Variants in NAA11 observed in about 807,000 individuals in gnomAD.
NAA11 encodes N-alpha-acetyltransferase 11.
NAA11 carries 15 observed loss-of-function variants against 16.1 expected under a neutral mutation model. The observed-to-expected ratio is 0.93, with a 90% CI of 0.62 to 1.44. The LOEUF is 1.44. Ranked by LOEUF, NAA11 falls within the 40% of genes most tolerant of loss-of-function variation. NAA11 has a pLI of 0.00. For missense variants in NAA11, 298 were observed against 291.3 expected (o/e 1.02, Z -0.17); for synonymous variants, 122 against 112.4 (o/e 1.09, Z -0.54).
chr4:79,298,507 A>G (rs759846216), intron 1 of NAA11, among the ~76,000 whole-genome samples: 2 of 152,176 alleles, frequency 1.3e-5, no homozygotes, highest in Non-Finnish European at 2.9e-5. Context: ...CCTTAGTGCC[A>G]GCTGTGGAAG....
intron 2 of NAA11, among the ~76,000 whole-genome samples, chr4:79,234,879 G>A (rs191657822): frequency 1.3e-5 from 2 of 152,152 alleles, no homozygotes; most frequent in African/African-American, 4.8e-5. Flanking sequence ...CTGAATTCTA[G>A]TAAGGCTAAA....
At chr4:79,310,073 T>C (rs1723723780) in intron 1 of NAA11, among the ~76,000 whole-genome samples, 1 of 152,192 alleles carries the variant, frequency 6.6e-6, no homozygotes, top group Non-Finnish European at 1.5e-5. Flanking sequence ...GCTCAATTAT[T>C]CCTCATCTGT....
chr4:79,245,130 T>A (rs1169436579), intron 2 of NAA11: 1 of 155,594 alleles, frequency 6.4e-6, no homozygotes, highest in Non-Finnish European at 1.4e-5. Context: ...GTGCCCAGTC[T>A]GGGAAGTGAG....
At chr4:79,187,998 C>CAAAA in the NAA11 span, among the ~76,000 whole-genome samples, 14 of 74,204 alleles carry the variant, frequency 1.9e-4, no homozygotes, top group Admixed American at 4.0e-4. Flanking sequence ...GACTCCGTCT[C>CAAAA]AAAAAAAAAA....
chr4:79,308,791 CA>C (rs1408501779), intron 1 of NAA11: 7 of 151,968 alleles, frequency 4.6e-5, no homozygotes, highest in Non-Finnish European at 1.0e-4. Flanking sequence ...AAAAAAGCTT[CA>C]AAAAATCCTT....
intron 1 of NAA11, among the ~76,000 whole-genome samples, chr4:79,302,799 C>T (rs1049373742): frequency 7.9e-5 from 12 of 151,846 alleles, no homozygotes; most frequent in African/African-American, 2.9e-4. Flanking sequence ...TGTAATCCAA[C>T]CTCAACCAAT....
At chr4:79,281,442 T>G (rs143654200) in intron 2 of NAA11, among the ~76,000 whole-genome samples, 3 of 152,010 alleles carry the variant, frequency 2.0e-5, no homozygotes, top group African/African-American at 7.2e-5. Context: ...TAGCTAGTAA[T>G]TTATCCATTA....
At chr4:79,196,368 T>C in the NAA11 span, among the ~76,000 whole-genome samples, 2 of 152,058 alleles carry the variant, frequency 1.3e-5, no homozygotes, top group Non-Finnish European at 2.9e-5. Context: ...TCCTGAATTT[T>C]TGTTTTTAGG....
chr4:79,252,130 C>A (rs1391123186), intron 2 of NAA11, among the ~76,000 whole-genome samples: 1 of 152,086 alleles, frequency 6.6e-6, no homozygotes, highest in Non-Finnish European at 1.5e-5. Flanking sequence ...GGAAGCTAAA[C>A]AATGGGTTGC....
intron 2 of NAA11, chr4:79,227,937 G>C (rs1721359948): frequency 6.6e-6 from 1 of 151,860 alleles, no homozygotes; most frequent in African/African-American, 2.4e-5. Flanking sequence ...AATTTATGCT[G>C]GTTTTAGTCC....
chr4:79,158,932 C>A, the NAA11 span, among the ~76,000 whole-genome samples: 1 of 151,816 alleles, frequency 6.6e-6, no homozygotes, highest in Admixed American at 6.6e-5. Context: ...ATACAAAAGT[C>A]AACTCAAGAT....
chr4:79,249,572 C>T (rs1478275180), intron 2 of NAA11, among the ~76,000 whole-genome samples: 1 of 152,020 alleles, frequency 6.6e-6, no homozygotes, highest in Non-Finnish European at 1.5e-5. Context: ...AAAGAAAAAG[C>T]AGTAAAGAAG....
At chr4:79,169,771 C>G in the NAA11 span, among the ~76,000 whole-genome samples, 2 of 152,254 alleles carry the variant, frequency 1.3e-5, no homozygotes, top group African/African-American at 4.8e-5. Context: ...AGAACTCACT[C>G]ACTATCATGA....
At chr4:79,190,768 C>T in the NAA11 span, among the ~76,000 whole-genome samples, 29 of 152,108 alleles carry the variant, frequency 1.9e-4, no homozygotes, top group Non-Finnish European at 3.2e-4. Flanking sequence ...TTTCCTCACC[C>T]GGGTATTAAG....
At chr4:79,215,646 T>A in the NAA11 span, among the ~76,000 whole-genome samples, 1 of 152,214 alleles carries the variant, frequency 6.6e-6, no homozygotes, top group Non-Finnish European at 1.5e-5. Context: ...ATGTAACCTG[T>A]CATCTATGTG....
At chr4:79,165,075 T>G in the NAA11 span, among the ~76,000 whole-genome samples, 12 of 152,332 alleles carry the variant, frequency 7.9e-5, no homozygotes, top group Middle Eastern at 3.4e-3. Context: ...CAGGATGGCA[T>G]GCATATGCCG....
the NAA11 span, among the ~76,000 whole-genome samples, chr4:79,217,308 A>G: frequency 2.0e-5 from 3 of 152,280 alleles, no homozygotes; most frequent in South Asian, 4.1e-4. Context: ...GCTACTACCT[A>G]TCAAACTCTA....
chr4:79,302,557 A>G (rs1723423566), intron 1 of NAA11, among the ~76,000 whole-genome samples: 1 of 152,152 alleles, frequency 6.6e-6, no homozygotes, highest in Non-Finnish European at 1.5e-5. Context: ...ATTGTCTGAG[A>G]CTGTATATGT....
intron 1 of NAA11, among the ~76,000 whole-genome samples, chr4:79,305,829 T>G (rs1483670171): frequency 6.6e-6 from 1 of 152,158 alleles, no homozygotes; most frequent in Non-Finnish European, 1.5e-5. Flanking sequence ...TCCTCAAAAA[T>G]CTAGTTTTCA....
Sources: allele counts gnomAD v4.1 joint callset (sites outside exome capture counted in the v4.1 genomes callset), GRCh38; gene constraint gnomAD v4.1.1; transcripts MANE v1.5; gene names NCBI Gene and HGNC (gene_info 2026-07-23, HGNC 2026-07-21).